The following SBF2 variants were observed in gnomAD, a reference collection of about 807,000 sequenced individuals.
SBF2 encodes the protein myotubularin-related protein 13.
SBF2 carries 112 observed loss-of-function variants against 225.2 expected under a neutral mutation model. The observed-to-expected ratio is 0.50, with a 90% CI of 0.43 to 0.58. The LOEUF is 0.58. Among genes scored for constraint, SBF2 ranks in the 20% least tolerant of loss-of-function variants. The pLI is 0.00. For synonymous variants in SBF2, 763 were observed against 773.3 expected, an observed-to-expected ratio of 0.99 and a Z score of 0.22; for missense variants, 1,996 against 2,206.2, an observed-to-expected ratio of 0.90 and a Z score of 1.91.
At chr11:10,285,190 G>A (rs1202935299) in intron 1 of SBF2, among the ~76,000 whole-genome samples, 1 of 152,004 alleles carries the variant, frequency 6.6e-6, no homozygotes, top group African/African-American at 2.4e-5. Flanking sequence ...TGCACCTGTA[G>A]TCCCAGCTAC....
intron 1 of SBF2, among the ~76,000 whole-genome samples, chr11:10,264,963 T>G (rs532023077): frequency 1.3e-5 from 2 of 152,326 alleles, no homozygotes; most frequent in East Asian, 3.9e-4. Context: ...TGCCACATTT[T>G]CTTTATCCAG....
intron 1 of SBF2, among the ~76,000 whole-genome samples, chr11:10,263,191 AATC>A (rs747708485): frequency 2.4e-4 from 36 of 152,204 alleles, no homozygotes; most frequent in Non-Finnish European, 4.0e-4. Flanking sequence ...AAATAAAAAA[AATC>A]AGCACAATAA....
chr11:9,789,731 C>T (rs967327575), intron 34 of SBF2, among the ~76,000 whole-genome samples: 11 of 152,196 alleles, frequency 7.2e-5, no homozygotes, highest in African/African-American at 2.4e-4. Flanking sequence ...ATGTATACCC[C>T]AGCCCACAAA....
At chr11:10,192,978 C>T (rs962940220) in intron 2 of SBF2, among the ~76,000 whole-genome samples, 1 of 152,164 alleles carries the variant, frequency 6.6e-6, no homozygotes, top group African/African-American at 2.4e-5. Flanking sequence ...GGATCCACCA[C>T]CAGATAGAAT....
chr11:10,242,455 T>C (rs1262113537), intron 1 of SBF2, among the ~76,000 whole-genome samples: 1 of 152,030 alleles, frequency 6.6e-6, no homozygotes, highest in South Asian at 2.1e-4. Context: ...CAAAAATAAC[T>C]ATAAAACGGA....
chr11:10,232,620 T>C (rs1313398507), intron 1 of SBF2, among the ~76,000 whole-genome samples: 1 of 151,346 alleles, frequency 6.6e-6, no homozygotes, highest in Non-Finnish European at 1.5e-5. Flanking sequence ...CTGGAGTACA[T>C]TGGTGAGATC....
In SBF2 at chr11:10,002,658, T is replaced by C. The variant is rs200293270; in HGVS notation, c.651A>G (p.Ala217=). The C allele has an allele frequency of 5.1e-5, 83 of 1,613,402 alleles. No homozygotes were observed. The East Asian group carries it at 1.5e-3, about 30-fold the overall frequency. ...AGAGAACCTTATTTTCTGTGAGGAC[T>C]GCACAAAAGAGGCTGAGGACATTTT... The part of the protein sequence containing the change: ...GIQNVLSLFC[A]VLTENKVLFH... The change falls in exon 7 of 40, where the codon GCA becomes GCG. Residue 217 remains alanine (A), a synonymous_variant. Coordinates refer to ENST00000256190, the MANE Select transcript of SBF2 (RefSeq NM_030962.4).
chr11:10,265,868 TG>T, intron 1 of SBF2, among the ~76,000 whole-genome samples: 1 of 151,298 alleles, frequency 6.6e-6, no homozygotes, highest in South Asian at 2.1e-4. Context: ...TGTGTGTGTG[TG>T]TGTGTGCGCG....
At chr11:10,000,510 T>G (rs750351612) in intron 8 of SBF2, among the ~76,000 whole-genome samples, 5 of 152,204 alleles carry the variant, frequency 3.3e-5, no homozygotes, top group Non-Finnish European at 5.9e-5. Context: ...TCTGTTCCAC[T>G]AAAACTCTTC....
chr11:10,209,879 C>T (rs558645842), intron 1 of SBF2, among the ~76,000 whole-genome samples: 1 of 152,234 alleles, frequency 6.6e-6, no homozygotes, highest in African/African-American at 2.4e-5. Flanking sequence ...AATGTCAGAT[C>T]TATGGGCTCA....
chr11:10,112,985 CTTATT>C (rs376887120), intron 2 of SBF2, among the ~76,000 whole-genome samples: 81 of 152,210 alleles, frequency 5.3e-4, no homozygotes, highest in African/African-American at 1.6e-3. Flanking sequence ...AGATCATTCT[CTTATT>C]TTATTTGTTG....
chr11:10,063,356 TTTTTA>T (rs1422118332), intron 2 of SBF2, among the ~76,000 whole-genome samples: 1 of 124,672 alleles, frequency 8.0e-6, no homozygotes, highest in Non-Finnish European at 1.8e-5. Context: ...TTTTTTAATT[TTTTTA>T]TTTTATTTTT....
intron 16 of SBF2, among the ~76,000 whole-genome samples, chr11:9,950,809 T>G (rs566591177): frequency 2.0e-5 from 3 of 152,298 alleles, no homozygotes; most frequent in Admixed American, 2.0e-4. Flanking sequence ...AGAAACTCAG[T>G]ATAGGGACTA....
At chr11:10,290,362 G>A (rs1964084353) in intron 1 of SBF2, among the ~76,000 whole-genome samples, 2 of 152,110 alleles carry the variant, frequency 1.3e-5, no homozygotes, top group South Asian at 4.1e-4. Flanking sequence ...GTACAACAGA[G>A]TGAGAAGGAT....
At chr11:10,221,270 G>A (rs1026186168) in intron 1 of SBF2, among the ~76,000 whole-genome samples, 6 of 151,366 alleles carry the variant, frequency 4.0e-5, no homozygotes, top group Admixed American at 2.0e-4. Context: ...GGCATGAGCC[G>A]TCACGCCCAG....
chr11:10,012,905 G>T lies in SBF2; in HGVS notation c.620-10216C>A, dbSNP rs114406675. Among the ~76,000 whole-genome samples the T allele has an allele frequency of 4.3e-3, 651 of 152,074 alleles. 6 individuals are homozygous for T. The highest frequency in any genetic ancestry group is 0.015 in the African/African-American group (619 of 41,470). On this transcript the variant is annotated intron_variant, in intron 6 of 39. Transcript: ENST00000256190. ...TATGGTTTAGCTTGGCTTCCTAGGG[G>T]TTATCCCTGTGTTTGCATGGTTCAC...
intron 2 of SBF2, among the ~76,000 whole-genome samples, chr11:10,064,591 G>C (rs754102294): frequency 3.9e-5 from 6 of 152,056 alleles, no homozygotes; most frequent in Non-Finnish European, 5.9e-5. Context: ...AAAAGGAGGG[G>C]AAACAGATAT....
chr11:9,851,005 A>G (rs961478367), intron 21 of SBF2, among the ~76,000 whole-genome samples: 1 of 152,034 alleles, frequency 6.6e-6, no homozygotes, highest in Non-Finnish European at 1.5e-5. Context: ...GCATGGTGGC[A>G]GGCGCCTGTA....
chr11:9,811,628 A>T (rs1854190392), intron 30 of SBF2, among the ~76,000 whole-genome samples: 1 of 152,210 alleles, frequency 6.6e-6, no homozygotes, highest in African/African-American at 2.4e-5. Context: ...ACAGCATGAT[A>T]CATTTATAGC....
Sources: gnomAD v4.1 joint callset for allele counts (sites outside exome capture counted in the v4.1 genomes callset) on GRCh38, gnomAD v4.1.1 for gene constraint, MANE v1.5 for transcripts, NCBI Gene and HGNC (gene_info 2026-07-23, HGNC 2026-07-21) for gene names.